The following COL14A1 variants were observed in gnomAD, a reference collection of about 807,000 sequenced individuals.
COL14A1 encodes collagen type XIV alpha 1 chain.
Under a neutral mutation model 230.3 loss-of-function variants are expected in COL14A1, and 136 were observed. The ratio of observed to expected loss-of-function variants is 0.59; its 90% confidence interval spans 0.51 to 0.68. The LOEUF (loss-of-function observed/expected upper bound fraction) is 0.68, where lower values mean the gene tolerates loss of function less well. COL14A1 is among the 30% of genes least tolerant of loss of function. The pLI is 0.00. For synonymous variants in COL14A1, 792 were observed against 784.1 expected, an observed-to-expected ratio of 1.01 and a Z score of -0.17; for missense variants, 1,976 against 2,215.8, an observed-to-expected ratio of 0.89 and a Z score of 2.17.
intron 1 of COL14A1, 44 bp from the exon 2 acceptor site, chr8:120,147,762 A>G: frequency 9.9e-7 from 1 of 1,006,648 alleles, no homozygotes; most frequent in Non-Finnish European, 1.5e-6. Context: ...CATATACTTT[A>G]TTTTCAGCCT....
chr8:120,191,268 G>C (rs1397370385), intron 5 of COL14A1, among the ~76,000 whole-genome samples: 2 of 149,920 alleles, frequency 1.3e-5, no homozygotes, highest in East Asian at 3.9e-4. Context: ...TGGTTTCAAA[G>C]AACATCTTTA....
Position 120,243,864 on chromosome 8 carries a change from T to G in COL14A1, c.2350-15T>G. On this transcript the variant is annotated splice_polypyrimidine_tract_variant and intron_variant, in intron 19 of 47. Transcript: ENST00000297848. The stretch of plus-strand genomic sequence containing the variant: ...GGGTCTCACTAAGACTGCAGTCCTT[T>G]GCTTTTTTGTTCAGGTTATGGTGCC... The G allele has an allele frequency of 6.2e-7, 1 of 1,611,746 alleles. No individual in the cohort carries two copies. The highest frequency in any genetic ancestry group is 8.5e-7 in the Non-Finnish European group (1 of 1,178,602).
intron 23 of COL14A1, among the ~76,000 whole-genome samples, chr8:120,257,845 A>AT (rs1027003316): frequency 6.6e-6 from 1 of 152,018 alleles, no homozygotes; most frequent in Non-Finnish European, 1.5e-5. Context: ...TTGATGGGTA[A>AT]TTTTTTCCAG....
rs777722084 is a variant in COL14A1, at chr8:120,216,459, A to G, written c.1706A>G (p.Tyr569Cys). 2 of 1,612,818 alleles carry G rather than the reference A, an allele frequency of 1.2e-6. No homozygotes were observed. Among genetic ancestry groups the G allele is most frequent in the African/African-American group, 2.7e-5 (2 of 74,846 alleles). The change falls in exon 14 of 48, where the codon TAT (tyrosine) becomes TGT (cysteine). Residue 569 changes from tyrosine (Y) to cysteine (C), a missense_variant. Physicochemically the swap from Tyr to Cys is radical, Grantham distance 194. Coordinates refer to ENST00000297848, the MANE Select transcript of COL14A1 (RefSeq NM_021110.4). ...CAGATCAATGGTTATCGAATTGTATATAACAATGCAGATGGGACTGAAATC... is the reference window on the plus strand; with the variant it reads ...CAGATCAATGGTTATCGAATTGTATGTAACAATGCAGATGGGACTGAAATC... ...SRQINGYRIV[Y>C]NNADGTEINE...
intron 34 of COL14A1, among the ~76,000 whole-genome samples, chr8:120,293,091 C>T (rs1820423028): frequency 6.6e-6 from 1 of 151,950 alleles, no homozygotes; most frequent in South Asian, 2.1e-4. Flanking sequence ...TTTTCTGGTA[C>T]CTAATGAAAT....
chr8:120,345,668 T>A, intron 45 of COL14A1, 105 bp downstream of exon 45: 2 of 990,650 alleles, frequency 2.0e-6, no homozygotes, highest in Non-Finnish European at 2.7e-6. Flanking sequence ...ACAATGGACT[T>A]AAATTAATTC....
chr8:120,152,887 A>G (rs554591078), intron 2 of COL14A1, among the ~76,000 whole-genome samples: 1 of 152,312 alleles, frequency 6.6e-6, no homozygotes, highest in East Asian at 1.9e-4. Context: ...AAAATTGGAG[A>G]CTTCGCATAG....
intron 19 of COL14A1, among the ~76,000 whole-genome samples, chr8:120,241,236 G>A (rs906617712): frequency 3.9e-5 from 6 of 152,106 alleles, no homozygotes; most frequent in Non-Finnish European, 5.9e-5. Context: ...TGGTTTTATC[G>A]TATTTTACAA....
chr8:120,330,502 G>A (rs963374345), intron 40 of COL14A1, among the ~76,000 whole-genome samples: 5 of 152,116 alleles, frequency 3.3e-5, no homozygotes, highest in African/African-American at 1.2e-4. Context: ...CATGTGCAGG[G>A]GAACCCCATT....
At chr8:120,320,583 A>T (rs1428465318) in intron 40 of COL14A1, among the ~76,000 whole-genome samples, 2 of 152,218 alleles carry the variant, frequency 1.3e-5, no homozygotes, top group Admixed American at 1.3e-4. Context: ...TTAAGCAGTG[A>T]TGAAATATTT....
chr8:120,370,269 G>T, intron 47 of COL14A1: 1 of 1,512,378 alleles, frequency 6.6e-7, no homozygotes. Context: ...ACAAAGTTTT[G>T]CTGATGTGTT....
intron 5 of COL14A1, among the ~76,000 whole-genome samples, chr8:120,192,701 G>T (rs1290153377): frequency 1.3e-5 from 2 of 152,102 alleles, no homozygotes; most frequent in Admixed American, 6.5e-5. Flanking sequence ...CATAGATTTG[G>T]TCTTTTCACG....
At chr8:120,360,646 C>T (rs957550504) in intron 45 of COL14A1, among the ~76,000 whole-genome samples, 35 of 152,336 alleles carry the variant, frequency 2.3e-4, no homozygotes, top group African/African-American at 8.4e-4. Flanking sequence ...TGCCTCAGTT[C>T]TGTGCTCTCA....
At chr8:120,224,939 GT>G (rs1394463380) in intron 14 of COL14A1, 148 bp from the exon 15 acceptor site, 3 of 623,106 alleles carry the variant, frequency 4.8e-6, no homozygotes, top group Non-Finnish European at 7.8e-6. Context: ...GATCAGAAAT[GT>G]TCATACATAA....
At chr8:120,323,123 A>G (rs560463575) in intron 40 of COL14A1, among the ~76,000 whole-genome samples, 83 of 152,220 alleles carry the variant, frequency 5.5e-4, no homozygotes, top group African/African-American at 1.7e-3. Flanking sequence ...CTGGTGTGAG[A>G]TCGCATCTCA....
intron 1 of COL14A1, among the ~76,000 whole-genome samples, chr8:120,134,339 C>T (rs558845378): frequency 1.8e-4 from 28 of 151,804 alleles, no homozygotes; most frequent in African/African-American, 5.3e-4. Flanking sequence ...TCGATAGATT[C>T]GAAAATAAAA....
At chr8:120,277,305 T>C (rs2129874528) in intron 26 of COL14A1, among the ~76,000 whole-genome samples, 1 of 152,282 alleles carries the variant, frequency 6.6e-6, no homozygotes, top group African/African-American at 2.4e-5. Context: ...GTTTGCTTCA[T>C]AAGGAAATCT....
At chr8:120,200,745 A>ATATATT (rs1817218646) in intron 8 of COL14A1, among the ~76,000 whole-genome samples, 1 of 70,298 alleles carries the variant, frequency 1.4e-5, no homozygotes, top group Non-Finnish European at 2.9e-5. Flanking sequence ...ATATATATAT[A>ATATATT]TATATATATA....
intron 37 of COL14A1, among the ~76,000 whole-genome samples, chr8:120,311,204 TG>T (rs1275730043): frequency 1.3e-5 from 2 of 152,192 alleles, no homozygotes; most frequent in Non-Finnish European, 2.9e-5. Flanking sequence ...GTATCTTACT[TG>T]GTTCCATCTT....
Sources: allele counts gnomAD v4.1 joint callset (sites outside exome capture counted in the v4.1 genomes callset), GRCh38; gene constraint gnomAD v4.1.1; transcripts MANE v1.5; gene names NCBI Gene and HGNC (gene_info 2026-07-23, HGNC 2026-07-21).